SLC30A8: variants seen among roughly 807,000 people sequenced by gnomAD.
SLC30A8 encodes the protein proton-coupled zinc antiporter SLC30A8.
In SLC30A8, 27 loss-of-function variants were observed where a neutral mutation model predicts 36.9. The ratio of observed to expected loss-of-function variants is 0.73; its 90% CI spans 0.54 to 1.01. SLC30A8 has a LOEUF of 1.01. SLC30A8 is among the 50% of genes least tolerant of loss of function. The pLI, the probability that SLC30A8 is intolerant of heterozygous loss-of-function variation, is 0.00. For missense variants in SLC30A8, 439 were observed against 452.0 expected (o/e 0.97, Z 0.26); for synonymous variants, 164 against 172.4 (o/e 0.95, Z 0.38).
intron 1 of SLC30A8, among the ~76,000 whole-genome samples, chr8:116,977,317 T>G (rs1284073305): frequency 1.7e-5 from 1 of 57,198 alleles, no homozygotes; most frequent in Non-Finnish European, 5.1e-5. Flanking sequence ...CCTGGCTAAT[T>G]TTTTTTTTTG....
chr8:116,989,605 A>G (rs1434875102), intron 1 of SLC30A8, among the ~76,000 whole-genome samples: 2 of 152,178 alleles, frequency 1.3e-5, no homozygotes, highest in Non-Finnish European at 2.9e-5. Context: ...TCATCTCAAG[A>G]CTATTGTCAT....
At chr8:117,134,801 A>G (rs1276940236), upstream of SLC30A8, 1 of 152,076 alleles carries the variant, frequency 6.6e-6, no homozygotes, top group Non-Finnish European at 1.5e-5. Context: ...AGGAGAGACA[A>G]GTAAATTCTG....
rs1048047286 is a variant in SLC30A8, at chr8:117,007,735, C to CATAGAGAGATT, written c.-265-31482_-265-31472dup. On this transcript the variant is annotated intron_variant, in intron 1 of 10. Coordinates refer to the SLC30A8 transcript ENST00000427715. ...CATTTTATCCCTGTGGAAACTAAGGCATAGAGAGATTAAATAACTTGTGTA... is the reference window on the plus strand; with the variant it reads ...CATTTTATCCCTGTGGAAACTAAGGCATAGAGAGATTATAGAGAGATTAAATAACTTGTGTA... Among the ~76,000 whole-genome samples the CATAGAGAGATT allele has an allele frequency of 6.9e-4, 105 of 152,208 alleles. 1 individual carries two copies. Among genetic ancestry groups the CATAGAGAGATT allele is most frequent in the Middle Eastern group, 3.4e-3 (1 of 294 alleles).
At chr8:117,170,858 T>G (rs1047731583) in intron 6 of SLC30A8, among the ~76,000 whole-genome samples, 176 bp from the exon 7 acceptor site, 4 of 152,174 alleles carry the variant, frequency 2.6e-5, no homozygotes, top group African/African-American at 9.6e-5. Flanking sequence ...GAAATTTTGA[T>G]TGATGGTAAA....
intron 1 of SLC30A8, among the ~76,000 whole-genome samples, chr8:116,975,356 A>G (rs1198982094): frequency 6.6e-6 from 1 of 152,180 alleles, no homozygotes; most frequent in Non-Finnish European, 1.5e-5. Flanking sequence ...CATATTCTAT[A>G]TCTTTGTTAT....
chr8:117,023,927 T>TA (rs145115031), intron 1 of SLC30A8, among the ~76,000 whole-genome samples: 9,903 of 152,278 alleles, frequency 0.065, 390 homozygotes, highest in African/African-American at 0.11. Flanking sequence ...ATGGGACTCT[T>TA]AAGTTTTTTC....
At chr8:117,147,754 A>G (rs1821966366) in intron 2 of SLC30A8, 2 of 152,554 alleles carry the variant, frequency 1.3e-5, no homozygotes, top group South Asian at 4.1e-4. Flanking sequence ...TACCAGCTCT[A>G]CTTGAGAATG....
At chr8:117,127,360 T>G (rs1563613807) in intron 2 of SLC30A8, among the ~76,000 whole-genome samples, 1 of 152,022 alleles carries the variant, frequency 6.6e-6, no homozygotes, top group Non-Finnish European at 1.5e-5. Flanking sequence ...AGCTGCTGAG[T>G]GTTTGTAAAC....
rs572959275 is a variant in SLC30A8, at chr8:117,172,402, A to C, written c.965-134A>C. 5 of 1,087,978 alleles carry C rather than the reference A, an allele frequency of 4.6e-6. No homozygotes were observed. The South Asian group carries it at 6.4e-5, about 14-fold the overall frequency. The allele number at this position is 1,087,978 out of a possible 1,614,324, so 67.4% of individuals were successfully genotyped here. ...TGAATGTAGCTGATTATCAGAGCAA[A>C]CGTGGCTTCCTCTGAGTGCCCTGCC... On this transcript the variant is annotated intron_variant, in intron 7 of 7. Coordinates refer to ENST00000456015, the MANE Select transcript of SLC30A8 (RefSeq NM_173851.3).
intron 1 of SLC30A8, among the ~76,000 whole-genome samples, chr8:117,021,509 A>C (rs190884341): frequency 4.6e-5 from 7 of 152,222 alleles, no homozygotes; most frequent in African/African-American, 1.7e-4. Flanking sequence ...AAATATGTAG[A>C]GGAAAACCAT....
chr8:117,116,948 A>G (rs993188612), intron 2 of SLC30A8, among the ~76,000 whole-genome samples: 1 of 152,032 alleles, frequency 6.6e-6, no homozygotes, highest in Non-Finnish European at 1.5e-5. Flanking sequence ...CCACCTATAC[A>G]GTCCTAATGG....
chr8:116,998,307 G>C (rs1247982543), intron 1 of SLC30A8, among the ~76,000 whole-genome samples: 1 of 152,234 alleles, frequency 6.6e-6, no homozygotes, highest in East Asian at 1.9e-4. Flanking sequence ...AAGTGGCAAT[G>C]ATGGCCAGAA....
intron 1 of SLC30A8, among the ~76,000 whole-genome samples, chr8:116,972,589 A>T (rs988531386): frequency 1.3e-5 from 2 of 152,182 alleles, no homozygotes; most frequent in African/African-American, 4.8e-5. Flanking sequence ...TTGAGTTTTA[A>T]TTATTATACT....
chr8:117,121,083 T>G (rs1185473675), intron 2 of SLC30A8, among the ~76,000 whole-genome samples: 1 of 151,810 alleles, frequency 6.6e-6, no homozygotes, highest in African/African-American at 2.4e-5. Context: ...AATAATAATA[T>G]GAAGTTTCCT....
intron 1 of SLC30A8, among the ~76,000 whole-genome samples, chr8:117,024,915 G>T (rs913954018): frequency 2.0e-5 from 3 of 151,928 alleles, no homozygotes; most frequent in African/African-American, 2.4e-5. Flanking sequence ...CATCACCTGG[G>T]TATTAAGCCC....
At chr8:117,125,446 G>C (rs767029320) in intron 2 of SLC30A8, among the ~76,000 whole-genome samples, 1 of 151,948 alleles carries the variant, frequency 6.6e-6, no homozygotes, top group Non-Finnish European at 1.5e-5. Context: ...TGTCTTTTTA[G>C]CTCAAGAGAA....
intron 1 of SLC30A8, among the ~76,000 whole-genome samples, chr8:117,141,403 A>G (rs1251909398): frequency 6.6e-6 from 1 of 152,158 alleles, no homozygotes; most frequent in Non-Finnish European, 1.5e-5. Context: ...TTAATAGGAT[A>G]CAGAACAAAG....
chr8:117,116,295 A>G (rs539144857), intron 2 of SLC30A8, among the ~76,000 whole-genome samples: 1 of 152,114 alleles, frequency 6.6e-6, no homozygotes, highest in South Asian at 2.1e-4. Flanking sequence ...TCATGTTTTG[A>G]TCTAAAAAAT....
intron 2 of SLC30A8, among the ~76,000 whole-genome samples, chr8:117,057,850 C>T (rs946674270): frequency 1.3e-4 from 20 of 152,122 alleles, no homozygotes; most frequent in African/African-American, 4.3e-4. Flanking sequence ...GTAGTAAACA[C>T]GGGAGTGCCG....
Sources: gnomAD v4.1 joint callset for allele counts (sites outside exome capture counted in the v4.1 genomes callset) on GRCh38, gnomAD v4.1.1 for gene constraint, MANE v1.5 for transcripts, NCBI Gene and HGNC (gene_info 2026-07-23, HGNC 2026-07-21) for gene names.